Variants in PAK1 observed in about 807,000 individuals in gnomAD.
PAK1 encodes serine/threonine-protein kinase PAK 1.
A neutral mutation model predicts 67.4 loss-of-function variants in PAK1; 29 were observed. The observed-to-expected ratio is 0.43, with a 90% confidence interval of 0.32 to 0.59. The LOEUF is 0.59. PAK1 is among the 20% of genes least tolerant of loss of function. PAK1 has a pLI of 0.07. For missense variants in PAK1, 337 were observed against 670.7 expected, an observed-to-expected ratio of 0.50 and a Z score of 5.50; for synonymous variants, 223 against 237.4, an observed-to-expected ratio of 0.94 and a Z score of 0.56.
At chr11:77,511,023 T>C in the PAK1 span, among the ~76,000 whole-genome samples, 3 of 152,130 alleles carry the variant, frequency 2.0e-5, no homozygotes, top group Non-Finnish European at 2.9e-5. Flanking sequence ...TGTGGGAAGG[T>C]AGGTGGGAGT....
At chr11:77,510,609 A>G in the PAK1 span, among the ~76,000 whole-genome samples, 2 of 152,230 alleles carry the variant, frequency 1.3e-5, no homozygotes, top group South Asian at 2.1e-4. Context: ...CAACAAATGG[A>G]AAGATATTCA....
At chr11:77,456,869 G>A (rs901618975) in intron 1 of PAK1, among the ~76,000 whole-genome samples, 9 of 151,920 alleles carry the variant, frequency 5.9e-5, no homozygotes, top group Non-Finnish European at 1.2e-4. Context: ...AGCCTCTCGA[G>A]TACCTGGGAC....
intron 1 of PAK1, among the ~76,000 whole-genome samples, chr11:77,411,544 C>G (rs1954531500): frequency 6.6e-6 from 1 of 152,042 alleles, no homozygotes; most frequent in Non-Finnish European, 1.5e-5. Flanking sequence ...GCTTCCCCTT[C>G]ACACCCTTCC....
chr11:77,508,538 T>C, the PAK1 span, among the ~76,000 whole-genome samples: 1 of 152,100 alleles, frequency 6.6e-6, no homozygotes, highest in Non-Finnish European at 1.5e-5. Context: ...AGCAAACCAC[T>C]GAGTGCCGCA....
chr11:77,336,393 C>T (rs1322785402), intron 12 of PAK1, 111 bp from the exon 13 acceptor site: 1 of 705,898 alleles, frequency 1.4e-6, no homozygotes, highest in East Asian at 2.7e-5. Flanking sequence ...GCTTCCAGCT[C>T]TGCTATCCTT....
chr11:77,377,192 C>G (rs1217030213), intron 4 of PAK1, among the ~76,000 whole-genome samples: 1 of 152,000 alleles, frequency 6.6e-6, no homozygotes, highest in Non-Finnish European at 1.5e-5. Context: ...GGAGAATCAC[C>G]TGAGCCCAGG....
At chr11:77,498,425 A>C in the PAK1 span, among the ~76,000 whole-genome samples, 4 of 152,180 alleles carry the variant, frequency 2.6e-5, no homozygotes, top group Admixed American at 6.5e-5. Flanking sequence ...CTTTTTGGAT[A>C]ATGCTGACAG....
the PAK1 span, among the ~76,000 whole-genome samples, chr11:77,501,410 G>A: frequency 1.6e-3 from 240 of 152,254 alleles, no homozygotes; most frequent in African/African-American, 5.6e-3. Context: ...TACTCCCTGT[G>A]GTGGCATCTT....
intron 1 of PAK1, among the ~76,000 whole-genome samples, chr11:77,394,796 G>A (rs1951627442): frequency 6.6e-6 from 1 of 152,170 alleles, no homozygotes; most frequent in Non-Finnish European, 1.5e-5. Flanking sequence ...AGTGAGCTGA[G>A]ATCACGCCAC....
At chr11:77,460,242 G>C (rs958916195) in intron 1 of PAK1, among the ~76,000 whole-genome samples, 22 of 151,196 alleles carry the variant, frequency 1.5e-4, no homozygotes, top group Non-Finnish European at 2.9e-4. Flanking sequence ...GGGAGGAAGG[G>C]AGGGAGGGAG....
intron 1 of PAK1, among the ~76,000 whole-genome samples, chr11:77,432,055 TC>T (rs1212513142): frequency 1.3e-5 from 2 of 152,152 alleles, no homozygotes; most frequent in Non-Finnish European, 2.9e-5. Flanking sequence ...CTCATCTGTG[TC>T]CTCCCACAAG....
chr11:77,487,993 T>G, the PAK1 span, among the ~76,000 whole-genome samples: 1 of 152,200 alleles, frequency 6.6e-6, no homozygotes, highest in African/African-American at 2.4e-5. Flanking sequence ...TGGCTTTAGG[T>G]CTGACTCAGT....
chr11:77,364,306 C>G (rs116730721), intron 5 of PAK1, among the ~76,000 whole-genome samples: 105 of 152,346 alleles, frequency 6.9e-4, no homozygotes, highest in African/African-American at 2.5e-3. Flanking sequence ...GATCCATCAA[C>G]AGAGGAAAGA....
At chr11:77,386,760 T>G (rs947843776) in intron 2 of PAK1, among the ~76,000 whole-genome samples, 1 of 152,112 alleles carries the variant, frequency 6.6e-6, no homozygotes, top group African/African-American at 2.4e-5. Context: ...GGAATGCAGG[T>G]ATCAGTATTA....
At chr11:77,371,415 A>AGG (rs913749485) in intron 5 of PAK1, among the ~76,000 whole-genome samples, 4 of 152,200 alleles carry the variant, frequency 2.6e-5, no homozygotes, top group African/African-American at 7.2e-5. Flanking sequence ...TCAAGGATTA[A>AGG]GACAGTGCAC....
Position 77,332,775 on chromosome 11 carries a change from G to C in PAK1, c.1506C>G (p.Leu502=). The C allele has an allele frequency of 1.9e-6, 3 of 1,613,670 alleles. No individual in the cohort carries two copies. The highest frequency in any genetic ancestry group is 1.7e-5 in the Admixed American group (1 of 60,006). The change falls in exon 14 of 15, where the codon CTC becomes CTG. Residue 502 remains leucine, a synonymous_variant. Transcript: ENST00000356341. ...AACCTCTCTTCTCCACATCCATCTCGAGACAGCGGTTCAGAAAGTCCCGGA... is the reference window on the plus strand; with the variant it reads ...AACCTCTCTTCTCCACATCCATCTCCAGACAGCGGTTCAGAAAGTCCCGGA... ...AIFRDFLNRC[L]EMDVEKRGSA... is the part of the protein sequence containing the mutation.
At chr11:77,505,182 A>C in the PAK1 span, among the ~76,000 whole-genome samples, 74 of 143,082 alleles carry the variant, frequency 5.2e-4, no homozygotes, top group Non-Finnish European at 4.1e-4. Context: ...CATTGCTACT[A>C]TTTTTTCTTT....
At chr11:77,444,286 TAA>T (rs142183219) in intron 1 of PAK1, among the ~76,000 whole-genome samples, 8 of 116,782 alleles carry the variant, frequency 6.9e-5, no homozygotes, top group Admixed American at 1.8e-4. Flanking sequence ...TGGAGAGCTC[TAA>T]AAAAAAAAAA....
At chr11:77,491,888 A>G in the PAK1 span, among the ~76,000 whole-genome samples, 26 of 152,354 alleles carry the variant, frequency 1.7e-4, 1 homozygote, top group South Asian at 4.3e-3. Flanking sequence ...AGTCAAAGAC[A>G]TAAGAGTGGC....
Sources: allele counts gnomAD v4.1 joint callset (sites outside exome capture counted in the v4.1 genomes callset), GRCh38; gene constraint gnomAD v4.1.1; transcripts MANE v1.5; gene names NCBI Gene and HGNC (gene_info 2026-07-23, HGNC 2026-07-21).